Variants in PLPP5 observed in about 807,000 individuals in gnomAD.
PLPP5 encodes the protein diacylglycerol pyrophosphate like 1.
PLPP5 carries 29 observed loss-of-function variants against 23.6 expected under a neutral mutation model. The observed-to-expected ratio is 1.23, with a 90% CI of 0.92 to 1.68. The LOEUF (loss-of-function observed/expected upper bound fraction) is 1.68, where lower values mean the gene tolerates loss of function less well. Among genes scored for constraint, PLPP5 ranks in the 40% most tolerant of loss-of-function variants. The pLI is 0.00. For synonymous variants in PLPP5, 143 were observed against 131.3 expected (o/e 1.09, Z -0.61); for missense variants, 315 against 332.1 (o/e 0.95, Z 0.40).
At position 38,266,209 on chromosome 8, in the gene PLPP5, A is replaced by G. The variant is rs758403359; in HGVS notation, c.566T>C (p.Leu189Pro). 8.7e-6 allele frequency: 14 copies of G among 1,613,856 alleles called. No individual in the cohort carries two copies. The highest frequency in any genetic ancestry group is 2.2e-5 in the South Asian group (2 of 90,996). Reference sequence around the variant, plus strand: ...CACAGCTGCAAAAAGTAGAGGTGACAGAAAGGCACAGAACCTCCAAGATTT... The same window carrying G: ...CACAGCTGCAAAAAGTAGAGGTGACGGAAAGGCACAGAACCTCCAAGATTT... ...RGKSWRFCAF[L>P]SPLLFAAVIA... Residue 189 changes from leucine to proline, a missense_variant, in exon 6 of 7, where the codon CTG becomes CCG. By Grantham distance (98) the Leu-to-Pro change is moderately conservative (BLOSUM62 -3). Coordinates refer to ENST00000424479, the MANE Select transcript of PLPP5 (RefSeq NM_001102559.2).
At position 38,268,894 on chromosome 8, in the gene PLPP5, G is replaced by C. The variant is rs766722699; in HGVS notation, c.171C>G (p.Thr57=). Residue 57 remains threonine (T), a synonymous_variant, in exon 2 of 7, where the codon ACC becomes ACG. Transcript: ENST00000424479. ...TTTCTCCACGCACAAACATCGGCTT[G>C]GTGGGGAAATACTCCGCCTCCACGT... ...NPYVEAEYFP[T]KPMFVIAFLS... The C allele has an allele frequency of 6.4e-7, 1 of 1,551,210 alleles. No homozygotes were observed. The highest frequency in any genetic ancestry group is 8.7e-7 in the Non-Finnish European group (1 of 1,152,438).
At chr8:38,264,636 A>G in intron 6 of PLPP5, 32 bp from the exon 7 acceptor site, 1 of 1,555,908 alleles carries the variant, frequency 6.4e-7, no homozygotes. Context: ...TCTTCTCTTA[A>G]TATTAGGCTC....
Position 38,267,324 on chromosome 8 carries a change from C to G in PLPP5, c.406G>C (p.Gly136Arg), listed in dbSNP as rs374509982. 3 of 1,613,918 alleles carry G rather than the reference C, an allele frequency of 1.9e-6. No individual in the cohort carries two copies. Among genetic ancestry groups the G allele is most frequent in the Admixed American group, 1.7e-5 (1 of 60,012 alleles). The change falls in exon 5 of 7, where the codon GGG becomes CGG. Residue 136 changes from glycine (G) to arginine (R), a missense_variant. Physicochemically the swap from Gly to Arg is moderately radical, Grantham distance 125 (BLOSUM62 -2). Coordinates refer to ENST00000424479, the MANE Select transcript of PLPP5 (RefSeq NM_001102559.2). ...GLAHSDLMCTGDKDVVNEGRK... is the reference protein window; with the variant it reads ...GLAHSDLMCTRDKDVVNEGRK... Reference sequence around the variant, plus strand: ...CCCTCATTCACCACGTCCTTATCCCCTGTACACATCAAGTCAGAATGGGCT... The same window carrying G: ...CCCTCATTCACCACGTCCTTATCCCGTGTACACATCAAGTCAGAATGGGCT...
intron 3 of PLPP5, 121 bp downstream of exon 3, chr8:38,268,250 T>C (rs1025926499): frequency 8.3e-6 from 9 of 1,088,574 alleles, no homozygotes; most frequent in South Asian, 6.1e-5. Flanking sequence ...CCCGCGGGGA[T>C]AGAGTTCCTT....
Position 38,264,019 on chromosome 8 carries a change from T to G in PLPP5, c.*425A>C. 1 of 986,452 alleles carries G rather than the reference T, an allele frequency of 1.0e-6. No homozygotes were observed. Among genetic ancestry groups the G allele is most frequent in the South Asian group, 4.7e-5 (1 of 21,342 alleles). 61.1% of individuals were successfully genotyped at this position (986,452 alleles called of 1,614,324 possible). On this transcript the variant is annotated 3_prime_UTR_variant, in exon 7 of 7. Coordinates refer to ENST00000424479, the MANE Select transcript of PLPP5 (RefSeq NM_001102559.2). ...GCAGGGGCAAAAGTGTGTAATCATT[T>G]GGAGGCAGAATACAGTGTGGCTTAT...
At chr8:38,267,162 T>C in intron 5 of PLPP5, 105 bp downstream of exon 5, 1 of 1,595,148 alleles carries the variant, frequency 6.3e-7, no homozygotes, top group East Asian at 2.2e-5. Context: ...ATTTTCCAAA[T>C]TGTAGAAACA....
chr8:38,268,792 T>TA, intron 2 of PLPP5, 90 bp downstream of exon 2: 1 of 1,445,822 alleles, frequency 6.9e-7, no homozygotes, highest in Non-Finnish European at 9.1e-7. Context: ...AGTGGGTCCC[T>TA]ACAAAGGCCG....
rs571076828 is a variant in PLPP5, at chr8:38,268,120, C to T, written c.275-160G>A. The T allele has an allele frequency of 2.8e-6, 4 of 1,449,016 alleles. No individual in the cohort carries two copies. In the East Asian group the frequency reaches 7.5e-5, roughly 27 times the overall value. The allele number at this position is 1,449,016 out of a possible 1,614,324, so 89.8% of individuals were successfully genotyped here. On this transcript the variant is annotated intron_variant, in intron 3 of 6. Transcript: ENST00000424479. ...TCCTCAGTGATCACTCTTTTGTAGC[C>T]GAGAACTTTTGTACTAGGCCAAAGA... is the stretch of plus-strand genomic sequence containing the variant.
chr8:38,268,812 G>C lies in PLPP5; in HGVS notation c.183+70C>G, dbSNP rs10102847. The C allele has an allele frequency of 1.2e-3, 1,737 of 1,456,934 alleles. 12 individuals are homozygous for C. The African/African-American group carries it at 0.018, about 15-fold the overall frequency. 90.3% of individuals were successfully genotyped at this position (1,456,934 alleles called of 1,614,324 possible). A position where few individuals can be genotyped will look rare whatever the true frequency, so the allele number is the denominator to read the frequency against. On this transcript the variant is annotated intron_variant, in intron 2 of 6. Coordinates refer to ENST00000424479, the MANE Select transcript of PLPP5 (RefSeq NM_001102559.2). ...GTCCCTACAAAGGCCGTCTCGGGGT[G>C]GAAAACGCACAGGTGCCCGCGGGAA...
intron 4 of PLPP5, chr8:38,267,611 A>G: frequency 1.6e-6 from 1 of 636,320 alleles, no homozygotes. Context: ...ATTACTTTTT[A>G]GGGCAAACAG....
At chr8:38,268,613 A>T (rs995240270) in intron 2 of PLPP5, 152 bp from the exon 3 acceptor site, 7 of 1,446,398 alleles carry the variant, frequency 4.8e-6, no homozygotes, top group Admixed American at 2.7e-5. Flanking sequence ...GCCACCAGTG[A>T]ACAGCAGCGC....
At chr8:38,265,654 C>T (rs1323467997) in intron 6 of PLPP5, 1 of 152,154 alleles carries the variant, frequency 6.6e-6, no homozygotes, top group Non-Finnish European at 1.5e-5. Flanking sequence ...TCTCGAATTC[C>T]TGACTACAGG....
At chr8:38,264,962 ATAAAG>A in intron 6 of PLPP5, 1 of 1,584,708 alleles carries the variant, frequency 6.3e-7, no homozygotes, top group Non-Finnish European at 8.7e-7. Context: ...AGAGGAAGGA[ATAAAG>A]TATTTTAAGA....
intron 5 of PLPP5, 122 bp downstream of exon 5, chr8:38,267,145 A>AG (rs940030700): frequency 1.2e-5 from 19 of 1,572,010 alleles, no homozygotes; most frequent in African/African-American, 9.4e-5. Flanking sequence ...TTACTAAAGA[A>AG]GGGGGGATTT....
chr8:38,269,064 C>T, intron 1 of PLPP5, 62 bp downstream of exon 1: 1 of 1,524,952 alleles, frequency 6.6e-7, no homozygotes, highest in Non-Finnish European at 8.8e-7. Context: ...GACCCGCCGC[C>T]CCGTGCCGCC....
At chr8:38,265,264 CAAAA>C (rs1228103198) in intron 6 of PLPP5, among the ~76,000 whole-genome samples, 5 of 71,008 alleles carry the variant, frequency 7.0e-5, no homozygotes, top group Admixed American at 1.5e-4. Flanking sequence ...GACTCTGTCT[CAAAA>C]AAAAAAAAAA....
In PLPP5 at chr8:38,268,868, C is replaced by T; in HGVS notation, c.183+14G>A. 1 of 1,544,426 alleles carries T rather than the reference C, an allele frequency of 6.5e-7. No homozygotes were observed. Among genetic ancestry groups the T allele is most frequent in the Non-Finnish European group, 8.7e-7 (1 of 1,149,902 alleles). ...GTCATGGGGAGGGAGGAAAGACGAT[C>T]TTTCTCCACGCACAAACATCGGCTT... On this transcript the variant is annotated intron_variant, in intron 2 of 6. Coordinates refer to ENST00000424479, the MANE Select transcript of PLPP5 (RefSeq NM_001102559.2).
At chr8:38,268,017 G>A in intron 3 of PLPP5, 57 bp from the exon 4 acceptor site, 1 of 1,613,156 alleles carries the variant, frequency 6.2e-7, no homozygotes, top group East Asian at 2.2e-5. Context: ...GTATGGTCAT[G>A]GCCTCGTTAT....
chr8:38,264,947 G>A (rs1280915820), intron 6 of PLPP5: 3 of 1,604,172 alleles, frequency 1.9e-6, no homozygotes, highest in South Asian at 2.2e-5. Flanking sequence ...CATTTAAAGG[G>A]TCCTAGAGGA....
Sources: allele counts gnomAD v4.1 joint callset (sites outside exome capture counted in the v4.1 genomes callset), GRCh38; gene constraint gnomAD v4.1.1; transcripts MANE v1.5; gene names NCBI Gene and HGNC (gene_info 2026-07-23, HGNC 2026-07-21).